Variants in TMEM132D observed in about 807,000 individuals in gnomAD.
TMEM132D encodes transmembrane protein 132D.
TMEM132D carries 21 observed loss-of-function variants against 62.3 expected under a neutral mutation model. The ratio of observed to expected loss-of-function variants is 0.34; its 90% confidence interval spans 0.24 to 0.49. The LOEUF is 0.49. Among genes scored for constraint, TMEM132D ranks in the 20% least tolerant of loss-of-function variants. The probability of loss-of-function intolerance (pLI) is 0.99; values close to 1 mark genes in which losing one functional copy is unlikely to be tolerated. For synonymous variants in TMEM132D, 621 were observed against 575.6 expected, an observed-to-expected ratio of 1.08 and a Z score of -1.13; for missense variants, 1,346 against 1,402.8, an observed-to-expected ratio of 0.96 and a Z score of 0.65.
chr12:129,343,553 T>C (rs1484113778), intron 3 of TMEM132D, among the ~76,000 whole-genome samples: 1 of 152,130 alleles, frequency 6.6e-6, no homozygotes. Context: ...TGTGCACATG[T>C]ACCCTAAAAC....
At chr12:129,228,334 GTTT>G (rs1683474187) in intron 4 of TMEM132D, among the ~76,000 whole-genome samples, 1 of 152,052 alleles carries the variant, frequency 6.6e-6, no homozygotes, top group Non-Finnish European at 1.5e-5. Flanking sequence ...GTTGTTTTGA[GTTT>G]TTGTTTTGGG....
chr12:129,381,759 G>A (rs551891645), intron 3 of TMEM132D, among the ~76,000 whole-genome samples: 1 of 152,032 alleles, frequency 6.6e-6, no homozygotes, highest in South Asian at 2.1e-4. Flanking sequence ...TGTGGTACAG[G>A]TATGGAGCTT....
rs536501802 is a variant in TMEM132D, at chr12:129,886,830, C to T, written c.79+16431G>A. On this transcript the variant is annotated intron_variant, in intron 1 of 8. Transcript: ENST00000422113. ...GTGGTTACCCCCATGCTGCTGTTCT[C>T]CTGATAGTGAGTCCTCACAAGATCT... Among the ~76,000 whole-genome samples, 8 of 152,226 alleles carry T rather than the reference C, an allele frequency of 5.3e-5. 1 individual carries two copies. The Middle Eastern group carries it at 0.017, about 324-fold the overall frequency.
At chr12:129,737,808 A>C (rs996084601) in intron 1 of TMEM132D, among the ~76,000 whole-genome samples, 2 of 152,254 alleles carry the variant, frequency 1.3e-5, no homozygotes, top group African/African-American at 4.8e-5. Context: ...AACATTCAAA[A>C]TACTCATTAT....
intron 2 of TMEM132D, among the ~76,000 whole-genome samples, chr12:129,654,725 C>T (rs771259885): frequency 6.6e-6 from 1 of 152,136 alleles, no homozygotes; most frequent in Admixed American, 6.5e-5. Flanking sequence ...TGGATAAATG[C>T]TGTTCTCTGG....
At chr12:129,901,000 G>C (rs184330662) in intron 1 of TMEM132D, among the ~76,000 whole-genome samples, 20 of 152,274 alleles carry the variant, frequency 1.3e-4, no homozygotes, top group Admixed American at 8.5e-4. Context: ...AACGTGTAAG[G>C]CTCAAGCATA....
At chr12:129,675,606 A>G (rs984231574) in intron 2 of TMEM132D, among the ~76,000 whole-genome samples, 7 of 152,236 alleles carry the variant, frequency 4.6e-5, no homozygotes, top group Non-Finnish European at 1.0e-4. Flanking sequence ...TCATTCCATG[A>G]TAAGAAGGAA....
intron 5 of TMEM132D, among the ~76,000 whole-genome samples, chr12:129,168,199 T>G (rs1205589177): frequency 6.6e-6 from 1 of 152,202 alleles, no homozygotes; most frequent in Non-Finnish European, 1.5e-5. Flanking sequence ...TAACTATGGT[T>G]TCCACTAAGG....
rs1874682318 is a variant in TMEM132D, at chr12:129,087,907, CGGGGTGTCCTCCCT to C, written c.1444-3219_1444-3206del. On this transcript the variant is annotated intron_variant, in intron 5 of 8. Transcript: ENST00000422113. ...CCCTGACCGGGGTGTCCTCCCTGAC[CGGGGTGTCCTCCCT>C]GACCGGGTGTCCTCCATGACCGGGG... Among the ~76,000 whole-genome samples, 2 of 110,620 alleles carry C rather than the reference CGGGGTGTCCTCCCT, an allele frequency of 1.8e-5. 1 individual carries two copies. The highest frequency in any genetic ancestry group is 8.0e-5 in the African/African-American group (2 of 24,954). 72.6% of individuals were successfully genotyped at this position (110,620 alleles called of 152,430 possible).
At chr12:129,463,281 C>A (rs1173286163) in intron 3 of TMEM132D, among the ~76,000 whole-genome samples, 1 of 151,890 alleles carries the variant, frequency 6.6e-6, no homozygotes, top group East Asian at 1.9e-4. Context: ...TTTGAGCATT[C>A]ATGAGTGCCA....
At chr12:129,454,051 T>C (rs1056464240) in intron 3 of TMEM132D, among the ~76,000 whole-genome samples, 1 of 152,230 alleles carries the variant, frequency 6.6e-6, no homozygotes, top group Admixed American at 6.5e-5. Flanking sequence ...TGGCACCACT[T>C]GGCTTACACC....
At chr12:129,513,579 G>T (rs1285107339) in intron 3 of TMEM132D, among the ~76,000 whole-genome samples, 1 of 151,578 alleles carries the variant, frequency 6.6e-6, no homozygotes, top group Non-Finnish European at 1.5e-5. Context: ...TCGCCTCCCG[G>T]GTTCACGCCA....
At chr12:129,568,069 GGT>G (rs1309438454) in intron 2 of TMEM132D, among the ~76,000 whole-genome samples, 1 of 152,184 alleles carries the variant, frequency 6.6e-6, no homozygotes, top group Non-Finnish European at 1.5e-5. Flanking sequence ...TCTGGCATGA[GGT>G]GTCTATTACA....
At chr12:129,358,034 A>T (rs1442069667) in intron 3 of TMEM132D, among the ~76,000 whole-genome samples, 1 of 152,162 alleles carries the variant, frequency 6.6e-6, no homozygotes, top group Non-Finnish European at 1.5e-5. Context: ...TTTCATTATG[A>T]AGTCAAATAT....
chr12:129,143,821 T>C (rs10847781), intron 5 of TMEM132D, among the ~76,000 whole-genome samples: 41,094 of 151,976 alleles, frequency 0.27, 5,938 homozygotes, highest in African/African-American at 0.35. Context: ...ATTCCTAAGC[T>C]TTGGCCTTGT....
intron 3 of TMEM132D, among the ~76,000 whole-genome samples, chr12:129,401,768 T>C (rs1871630287): frequency 6.6e-6 from 1 of 152,112 alleles, no homozygotes; most frequent in Non-Finnish European, 1.5e-5. Flanking sequence ...CTCCAGTCTG[T>C]GTGCCCTTCT....
chr12:129,372,158 T>G (rs1042572099), intron 3 of TMEM132D, among the ~76,000 whole-genome samples: 3 of 152,204 alleles, frequency 2.0e-5, no homozygotes, highest in African/African-American at 7.2e-5. Context: ...GGAAACAGAT[T>G]CTTCCTCAGA....
intron 3 of TMEM132D, among the ~76,000 whole-genome samples, chr12:129,347,150 T>C (rs1869712270): frequency 6.6e-6 from 1 of 152,158 alleles, no homozygotes; most frequent in South Asian, 2.1e-4. Flanking sequence ...ATTTACAGAT[T>C]CAATGCTATC....
chr12:129,288,357 TA>T (rs1304305749), intron 4 of TMEM132D, among the ~76,000 whole-genome samples: 1 of 152,178 alleles, frequency 6.6e-6, no homozygotes, highest in African/African-American at 2.4e-5. Flanking sequence ...GGTTAATTCT[TA>T]GAATGGTAAA....
Sources: gnomAD v4.1 joint callset for allele counts (sites outside exome capture counted in the v4.1 genomes callset) on GRCh38, gnomAD v4.1.1 for gene constraint, MANE v1.5 for transcripts, NCBI Gene and HGNC (gene_info 2026-07-23, HGNC 2026-07-21) for gene names.